Variants in AKR1C3 observed in about 807,000 individuals in gnomAD.
The protein encoded by AKR1C3 is 3-alpha hydroxysteroid dehydrogenase, type II.
A neutral mutation model predicts 43.6 loss-of-function variants in AKR1C3; 48 were observed. The ratio of observed to expected loss-of-function variants is 1.10; its 90% CI spans 0.87 to 1.40. The LOEUF (loss-of-function observed/expected upper bound fraction) is 1.40, where lower values mean the gene tolerates loss of function less well. Among genes scored for constraint, AKR1C3 ranks in the 40% most tolerant of loss-of-function variants. The probability of loss-of-function intolerance (pLI) is 0.00; values close to 1 mark genes in which losing one functional copy is unlikely to be tolerated. For synonymous variants in AKR1C3, 162 were observed against 139.6 expected, an observed-to-expected ratio of 1.16 and a Z score of -1.13; for missense variants, 482 against 391.2, an observed-to-expected ratio of 1.23 and a Z score of -1.96.
chr10:5,068,506 T>C (rs1554780994), intron 1 of AKR1C3, among the ~76,000 whole-genome samples: 3 of 77,486 alleles, frequency 3.9e-5, no homozygotes, highest in Non-Finnish European at 5.1e-5. Flanking sequence ...TATAACCTTT[T>C]ACCAAAAAAA....
intron 1 of AKR1C3, chr10:5,077,595 T>C: frequency 1.1e-6 from 1 of 913,478 alleles, no homozygotes; most frequent in Non-Finnish European, 1.3e-6. Context: ...GGTAAAACAT[T>C]AAAGTTGATT....
intron 1 of AKR1C3, among the ~76,000 whole-genome samples, chr10:5,061,337 A>C (rs1422884130): frequency 6.6e-6 from 1 of 152,188 alleles, no homozygotes; most frequent in Admixed American, 6.5e-5. Context: ...AAGAAAACAC[A>C]CAGCATGGAG....
intron 1 of AKR1C3, among the ~76,000 whole-genome samples, chr10:5,051,228 TG>T (rs1273519833): frequency 1.3e-5 from 2 of 152,134 alleles, no homozygotes; most frequent in African/African-American, 2.4e-5. Context: ...CCCAAGTAGT[TG>T]GAATTACAGG....
chr10:5,098,903 C>T lies in AKR1C3; in HGVS notation c.447+24C>T, dbSNP rs1186051061. 13 of 1,566,932 alleles carry T rather than the reference C, an allele frequency of 8.3e-6. 1 individual carries two copies. The East Asian group carries it at 2.9e-4, about 35-fold the overall frequency. Reference sequence around the variant, plus strand: ...AGGTGAGTGCTTGGCGGAGAGGACACAGAGAAGGATGACAAAAAGAGAAAA... The same window carrying T: ...AGGTGAGTGCTTGGCGGAGAGGACATAGAGAAGGATGACAAAAAGAGAAAA... On this transcript the variant is annotated intron_variant, in intron 4 of 8. Transcript: ENST00000380554.
intron 1 of AKR1C3, among the ~76,000 whole-genome samples, chr10:5,055,402 G>T (rs950708404): frequency 6.6e-6 from 1 of 152,204 alleles, no homozygotes; most frequent in African/African-American, 2.4e-5. Flanking sequence ...AAGGAGTAGT[G>T]CCTAGTATCT....
intron 1 of AKR1C3, among the ~76,000 whole-genome samples, chr10:5,095,945 C>G (rs1260310461): frequency 6.6e-6 from 1 of 152,080 alleles, no homozygotes; most frequent in Non-Finnish European, 1.5e-5. Context: ...ATCTCAAGAA[C>G]TGAGACACCA....
At chr10:5,083,014 A>G (rs1838869140) in intron 1 of AKR1C3, among the ~76,000 whole-genome samples, 1 of 151,754 alleles carries the variant, frequency 6.6e-6, no homozygotes, top group African/African-American at 2.4e-5. Flanking sequence ...CTGGATTTCT[A>G]TTTCTTCCTG....
In AKR1C3 at chr10:5,094,474, A is replaced by G; in HGVS notation, c.30A>G (p.Leu10=). 6.2e-7 allele frequency: 1 copy of G among 1,612,890 alleles called. No homozygotes were observed. Among genetic ancestry groups the G allele is most frequent in the East Asian group, 2.2e-5 (1 of 44,854 alleles). Residue 10 remains leucine (L), a synonymous_variant, in exon 1 of 9, where the codon CTA becomes CTG. Transcript: ENST00000380554. ...ATTCCAAACACCAGTGTGTAAAGCT[A>G]AATGATGGCCACTTCATGCCTGTAT... MDSKHQCVK[L]NDGHFMPVLG...
At chr10:5,073,735 T>C (rs1838656848) in intron 1 of AKR1C3, among the ~76,000 whole-genome samples, 1 of 152,232 alleles carries the variant, frequency 6.6e-6, no homozygotes, top group Non-Finnish European at 1.5e-5. Flanking sequence ...CCAGAGTTTC[T>C]GCCTTGCTGC....
At chr10:5,103,985 T>C (rs1839428575) in intron 7 of AKR1C3, among the ~76,000 whole-genome samples, 1 of 152,122 alleles carries the variant, frequency 6.6e-6, no homozygotes, top group South Asian at 2.1e-4. Flanking sequence ...AGATTACACA[T>C]ACATACATAT....
rs149281817 is a variant in AKR1C3 at position 5,097,006 on chromosome 10, T to A, written c.253-428T>A. 2.6e-4 allele frequency among the ~76,000 whole-genome samples: 40 copies of A among 152,286 alleles called. No individual in the cohort carries two copies. In the East Asian group the frequency reaches 6.9e-3, roughly 26 times the overall value. ...TAGACACTTAAATTGTCCTAAATTG[T>A]GTCCAGCATAGTGAGCATGTTCAAA... On this transcript the variant is annotated intron_variant, in intron 2 of 8. Coordinates refer to ENST00000380554, the MANE Select transcript of AKR1C3 (RefSeq NM_003739.6).
chr10:5,085,440 T>C (rs1194221499), intron 1 of AKR1C3, among the ~76,000 whole-genome samples: 2 of 150,866 alleles, frequency 1.3e-5, no homozygotes, highest in Non-Finnish European at 2.9e-5. Flanking sequence ...TTGATTATGG[T>C]GGATAAGCTT....
At chr10:5,049,945 C>T (rs1838118947) in intron 1 of AKR1C3, among the ~76,000 whole-genome samples, 1 of 152,232 alleles carries the variant, frequency 6.6e-6, no homozygotes, top group Admixed American at 6.5e-5. Context: ...GACATCATTG[C>T]CAAATCTGCA....
intron 1 of AKR1C3, among the ~76,000 whole-genome samples, chr10:5,061,895 T>C (rs1407144955): frequency 6.6e-6 from 1 of 152,198 alleles, no homozygotes; most frequent in Non-Finnish European, 1.5e-5. Context: ...TACATATTAC[T>C]CTCAAATTAA....
chr10:5,082,800 C>A (rs1838864936), intron 1 of AKR1C3, among the ~76,000 whole-genome samples: 2 of 152,198 alleles, frequency 1.3e-5, no homozygotes, highest in Middle Eastern at 3.4e-3. Flanking sequence ...CAGGATGATA[C>A]TAGTTTAGTA....
At chr10:5,055,853 T>C (rs1554779490) in intron 1 of AKR1C3, among the ~76,000 whole-genome samples, 1 of 152,236 alleles carries the variant, frequency 6.6e-6, no homozygotes, top group African/African-American at 2.4e-5. Context: ...TTGCTGTATC[T>C]GGGGATCCAT....
chr10:5,099,856 T>C, intron 5 of AKR1C3: 1 of 171,688 alleles, frequency 5.8e-6, no homozygotes, highest in Admixed American at 5.5e-5. Flanking sequence ...AACAGAGAGT[T>C]AGAATAAGAG....
At chr10:5,080,815 A>T (rs1838821356) in intron 1 of AKR1C3, 1 of 152,238 alleles carries the variant, frequency 6.6e-6, no homozygotes, top group African/African-American at 2.4e-5. Flanking sequence ...GTTTGTGCTC[A>T]CTGTGTAGTA....
At chr10:5,073,687 GA>G (rs1355771843) in intron 1 of AKR1C3, among the ~76,000 whole-genome samples, 5 of 152,182 alleles carry the variant, frequency 3.3e-5, no homozygotes, top group Non-Finnish European at 7.3e-5. Flanking sequence ...GGAGACATGA[GA>G]AAAATGAAAA....
Sources: gnomAD v4.1 joint callset for allele counts (sites outside exome capture counted in the v4.1 genomes callset) on GRCh38, gnomAD v4.1.1 for gene constraint, MANE v1.5 for transcripts, NCBI Gene and HGNC (gene_info 2026-07-23, HGNC 2026-07-21) for gene names.